The following PCDHA10 variants were observed in gnomAD, a reference collection of about 807,000 sequenced individuals.
PCDHA10 encodes the protein protocadherin alpha 10, also known as protocadherin alpha-10.
Under a neutral mutation model 61.2 loss-of-function variants are expected in PCDHA10, and 45 were observed. The ratio of observed to expected loss-of-function variants is 0.74; its 90% CI spans 0.58 to 0.94. The LOEUF (loss-of-function observed/expected upper bound fraction) is 0.94, where lower values mean the gene tolerates loss of function less well. Among genes scored for constraint, PCDHA10 ranks in the 40% least tolerant of loss-of-function variants. The probability of loss-of-function intolerance (pLI) is 0.00; values close to 1 mark genes in which losing one functional copy is unlikely to be tolerated. For synonymous variants in PCDHA10, 602 were observed against 548.8 expected, an observed-to-expected ratio of 1.10 and a Z score of -1.35; for missense variants, 1,278 against 1,236.2, an observed-to-expected ratio of 1.03 and a Z score of -0.51.
intron 1 of PCDHA10, among the ~76,000 whole-genome samples, chr5:140,907,449 A>G (rs1554192997): frequency 6.6e-6 from 1 of 152,232 alleles, no homozygotes; most frequent in Admixed American, 6.5e-5. Flanking sequence ...ACAGATGGTA[A>G]TCTTGGCAGA....
At chr5:140,890,530 T>G (rs2062685019) in intron 1 of PCDHA10, among the ~76,000 whole-genome samples, 1 of 152,222 alleles carries the variant, frequency 6.6e-6, no homozygotes. Flanking sequence ...TTGTTGATCT[T>G]CTTTTGAAAT....
intron 1 of PCDHA10, among the ~76,000 whole-genome samples, chr5:140,952,745 A>G (rs1554220592): frequency 6.6e-6 from 1 of 152,220 alleles, no homozygotes; most frequent in African/African-American, 2.4e-5. Context: ...TCACACTGCT[A>G]TAAAAACACC....
At chr5:140,931,975 T>C (rs2087911858) in intron 1 of PCDHA10, among the ~76,000 whole-genome samples, 1 of 151,962 alleles carries the variant, frequency 6.6e-6, no homozygotes, top group Non-Finnish European at 1.5e-5. Flanking sequence ...CATATGTGTT[T>C]ATATTTTGCT....
At chr5:141,005,627 G>A (rs1051972778) in intron 3 of PCDHA10, among the ~76,000 whole-genome samples, 1 of 148,378 alleles carries the variant, frequency 6.7e-6, no homozygotes, top group Non-Finnish European at 1.5e-5. Flanking sequence ...GCGTGAACCC[G>A]GGAGGCGGAG....
chr5:140,907,298 A>G (rs138771358), intron 1 of PCDHA10, among the ~76,000 whole-genome samples: 4 of 152,162 alleles, frequency 2.6e-5, no homozygotes, highest in Non-Finnish European at 4.4e-5. Flanking sequence ...CTGCTTCAGG[A>G]TGATGGGGAA....
rs369162861 is a variant in PCDHA10 at position 140,870,379 on chromosome 5, G to T, written c.2388+11943G>T. ...GTGGGCCTATGAACTGGTGGTGACT[G>T]CGCGGGATGGGGGTTCGCCTTCTCT... On this transcript the variant is annotated intron_variant, in intron 1 of 3. Coordinates refer to ENST00000307360, the MANE Select transcript of PCDHA10 (RefSeq NM_018901.4). The T allele has an allele frequency of 8.1e-6, 13 of 1,614,100 alleles. No homozygotes were observed. In the African/African-American group the frequency reaches 1.7e-4, roughly 22 times the overall value.
Position 140,966,485 on chromosome 5 carries a change from C to G in PCDHA10, c.2389-12464C>G, listed in dbSNP as rs564574047. 5.5e-4 allele frequency: 237 copies of G among 432,246 alleles called. 1 individual carries two copies. The highest frequency in any genetic ancestry group is 4.6e-3 in the African/African-American group (223 of 48,858). 26.8% of individuals were successfully genotyped at this position (432,246 alleles called of 1,614,324 possible). A position where few individuals can be genotyped will look rare whatever the true frequency, so the allele number is the denominator to read the frequency against. Reference sequence around the variant, plus strand: ...TCTTCCCTTCTGTTTCCTTTTCCCTCCCCCTGGAGCTGTAGCGGCAGCAGC... The same window carrying G: ...TCTTCCCTTCTGTTTCCTTTTCCCTGCCCCTGGAGCTGTAGCGGCAGCAGC... On this transcript the variant is annotated intron_variant, in intron 1 of 3. Transcript: ENST00000307360.
chr5:140,876,977 A>C (rs782413550), intron 1 of PCDHA10: 12 of 1,612,554 alleles, frequency 7.4e-6, no homozygotes, highest in Non-Finnish European at 1.0e-5. Context: ...GTGGGCGAGC[A>C]CGCACTGTCG....
intron 1 of PCDHA10, chr5:140,875,321 TC>T: frequency 1.4e-6 from 2 of 1,427,980 alleles, no homozygotes; most frequent in Non-Finnish European, 1.8e-6. Context: ...TTCCAATCAT[TC>T]ACGGAATAGG....
intron 1 of PCDHA10, among the ~76,000 whole-genome samples, chr5:140,873,284 T>C (rs1554166661): frequency 1.3e-5 from 2 of 152,208 alleles, no homozygotes; most frequent in Non-Finnish European, 2.9e-5. Context: ...ATACCACTTA[T>C]GAAACTTTAT....
chr5:140,888,533 T>C (rs2061866119), intron 1 of PCDHA10, among the ~76,000 whole-genome samples: 1 of 152,228 alleles, frequency 6.6e-6, no homozygotes, highest in South Asian at 2.1e-4. Flanking sequence ...TGAAGTTAAG[T>C]TGCTCAGTAC....
At chr5:140,877,536 T>A (rs1402880820) in intron 1 of PCDHA10, 1 of 1,613,730 alleles carries the variant, frequency 6.2e-7, no homozygotes, top group Non-Finnish European at 8.5e-7. Flanking sequence ...GCGCTGTGGA[T>A]CCCGAAGCGG....
At chr5:140,912,494 A>T (rs536513157) in intron 1 of PCDHA10, among the ~76,000 whole-genome samples, 1 of 152,190 alleles carries the variant, frequency 6.6e-6, no homozygotes, top group South Asian at 2.1e-4. Context: ...CAGATCTAGG[A>T]GCTTTTTGGA....
intron 1 of PCDHA10, among the ~76,000 whole-genome samples, chr5:140,959,621 A>G (rs1198133284): frequency 6.6e-6 from 1 of 152,152 alleles, no homozygotes; most frequent in African/African-American, 2.4e-5. Flanking sequence ...CTTGTGATAG[A>G]AAAAAAGAGA....
At position 140,855,941 on chromosome 5, in the gene PCDHA10, C is replaced by G; in HGVS notation, c.-108C>G. Reference sequence around the variant, plus strand: ...AGGAAGTAGCGTCATTCTGAGATCTCAGCCATTTCGATAAAAAATAGATAT... The same window carrying G: ...AGGAAGTAGCGTCATTCTGAGATCTGAGCCATTTCGATAAAAAATAGATAT... On this transcript the variant is annotated 5_prime_UTR_variant, in exon 1 of 4. Transcript: ENST00000307360. The G allele has an allele frequency of 3.0e-6, 4 of 1,328,222 alleles. 1 individual carries two copies. The highest frequency in any genetic ancestry group is 4.1e-6 in the Non-Finnish European group (4 of 966,976). The allele number at this position is 1,328,222 out of a possible 1,614,324, so 82.3% of individuals were successfully genotyped here.
intron 3 of PCDHA10, among the ~76,000 whole-genome samples, chr5:140,992,185 C>G (rs1554252730): frequency 1.3e-5 from 2 of 152,102 alleles, no homozygotes; most frequent in African/African-American, 4.8e-5. Context: ...ATCATGCTTT[C>G]AGTGATCTAT....
intron 3 of PCDHA10, among the ~76,000 whole-genome samples, chr5:140,997,397 A>G (rs782082443): frequency 4.6e-5 from 7 of 152,194 alleles, no homozygotes; most frequent in African/African-American, 7.2e-5. Flanking sequence ...CTTAGGCTCT[A>G]TCGTATGGCC....
At chr5:140,868,157 G>C (rs1380314181) in intron 1 of PCDHA10, 1 of 151,956 alleles carries the variant, frequency 6.6e-6, no homozygotes, top group Non-Finnish European at 1.5e-5. Flanking sequence ...GTTACATAAA[G>C]TGCTAAATTT....
chr5:140,893,929 T>C (rs2064240374), intron 1 of PCDHA10, among the ~76,000 whole-genome samples: 1 of 152,214 alleles, frequency 6.6e-6, no homozygotes, highest in South Asian at 2.1e-4. Flanking sequence ...TCAGAATCTC[T>C]ACCTGTTAAT....
Sources: allele counts gnomAD v4.1 joint callset (sites outside exome capture counted in the v4.1 genomes callset), GRCh38; gene constraint gnomAD v4.1.1; transcripts MANE v1.5; gene names NCBI Gene and HGNC (gene_info 2026-07-23, HGNC 2026-07-21).